The following IPP variants were observed in gnomAD, a reference collection of about 807,000 sequenced individuals.
The protein encoded by IPP is intracisternal A particle-promoted polypeptide, also known as actin-binding protein IPP.
In IPP, 41 loss-of-function variants were observed where a neutral mutation model predicts 64.1. The ratio of observed to expected loss-of-function variants is 0.64; its 90% CI spans 0.50 to 0.83. IPP has a LOEUF of 0.83. Ranked by LOEUF, IPP falls within the 40% of genes least tolerant of loss-of-function variation. The probability of loss-of-function intolerance (pLI) is 0.00; values close to 1 mark genes in which losing one functional copy is unlikely to be tolerated. For missense variants in IPP, 649 were observed against 703.0 expected (o/e 0.92, Z 0.87); for synonymous variants, 214 against 235.2 (o/e 0.91, Z 0.83).
chr1:45,694,969 T>C, downstream of IPP: 1 of 153,666 alleles, frequency 6.5e-6, no homozygotes, highest in Non-Finnish European at 1.4e-5. Context: ...CACCGCAACC[T>C]CCACCTCCCG....
At chr1:45,727,595 A>C (rs1188996484) in intron 5 of IPP, 36 bp downstream of exon 5, 1 of 1,371,982 alleles carries the variant, frequency 7.3e-7, no homozygotes. Flanking sequence ...ATAGCCAACA[A>C]GACTAATTAA....
intron 8 of IPP, 27 bp downstream of exon 8, chr1:45,714,219 C>G: frequency 6.8e-7 from 1 of 1,461,136 alleles, no homozygotes; most frequent in African/African-American, 1.4e-5. Flanking sequence ...TATCAGGATA[C>G]TAAATATCTG....
chr1:45,720,176 A>G (rs1184886453), intron 5 of IPP, among the ~76,000 whole-genome samples: 1 of 151,328 alleles, frequency 6.6e-6, no homozygotes, highest in African/African-American at 2.4e-5. Context: ...CCTGGACTCA[A>G]GCGATCCTCC....
downstream of IPP, chr1:45,696,808 TTG>T (rs1272027140): frequency 2.6e-5 from 4 of 152,202 alleles, no homozygotes; most frequent in African/African-American, 7.2e-5. Context: ...AAAACCAATC[TTG>T]TCATTACCTA....
chr1:45,737,241 C>T (rs959228404), intron 3 of IPP, among the ~76,000 whole-genome samples: 1 of 151,866 alleles, frequency 6.6e-6, no homozygotes, highest in Non-Finnish European at 1.5e-5. Flanking sequence ...GATAATTTCT[C>T]TCCCTTGTTT....
intron 7 of IPP, among the ~76,000 whole-genome samples, chr1:45,716,232 G>T (rs372996430): frequency 6.6e-6 from 1 of 152,094 alleles, no homozygotes; most frequent in Non-Finnish European, 1.5e-5. Context: ...GAAGCCTATA[G>T]ACCATGAAAA....
chr1:45,705,617 C>G (rs1024778895), intron 8 of IPP, among the ~76,000 whole-genome samples: 9 of 152,098 alleles, frequency 5.9e-5, no homozygotes, highest in African/African-American at 2.2e-4. Context: ...GACCAGCTGG[C>G]CAACATGGCA....
chr1:45,702,686 C>T (rs1435250506), intron 8 of IPP, among the ~76,000 whole-genome samples: 1 of 152,132 alleles, frequency 6.6e-6, no homozygotes, highest in African/African-American at 2.4e-5. Context: ...AACTCCTGAT[C>T]TCAGGTGATC....
chr1:45,694,651 G>A (rs1645371470), downstream of IPP: 1 of 584,580 alleles, frequency 1.7e-6, no homozygotes, highest in Non-Finnish European at 3.1e-6. Context: ...GTAGGGAGCA[G>A]TGTCATGAGG....
At position 45,712,623 on chromosome 1, in the gene IPP, C is replaced by T. The variant is rs945531808; in HGVS notation, c.1530+1623G>A. Among the ~76,000 whole-genome samples the T allele has an allele frequency of 5.3e-5, 8 of 151,238 alleles. No individual in the cohort carries two copies. The South Asian group carries it at 1.3e-3, about 24-fold the overall frequency. ...CTGTAATCCCAGCACTTTGGGAGGCCGAGGCAGGAAGATCACGAGGTCAGG... is the reference window on the plus strand; with the variant it reads ...CTGTAATCCCAGCACTTTGGGAGGCTGAGGCAGGAAGATCACGAGGTCAGG... On this transcript the variant is annotated intron_variant, in intron 8 of 8. Coordinates refer to ENST00000396478, the MANE Select transcript of IPP (RefSeq NM_005897.3).
At chr1:45,708,412 C>A (rs1192945334) in intron 8 of IPP, among the ~76,000 whole-genome samples, 1 of 148,790 alleles carries the variant, frequency 6.7e-6, no homozygotes, top group African/African-American at 2.5e-5. Flanking sequence ...GGCGCGGTGG[C>A]TCACATCTGT....
At position 45,699,022 on chromosome 1, in the gene IPP, C is replaced by T. The variant is rs1398367289; in HGVS notation, c.*944G>A. On this transcript the variant is annotated 3_prime_UTR_variant, in exon 9 of 9. Coordinates refer to ENST00000396478, the MANE Select transcript of IPP (RefSeq NM_005897.3). ...GATTACAGGTGTGAGCCACCATGCC[C>T]AGCCTAAAAAAGGGAGAAATTTCTA... The T allele has an allele frequency of 3.0e-6, 3 of 985,186 alleles. No homozygotes were observed. The highest frequency in any genetic ancestry group is 9.4e-5 in the South Asian group (2 of 21,272). 61.0% of individuals were successfully genotyped at this position (985,186 alleles called of 1,614,324 possible).
chr1:45,730,357 TA>T (rs35622578), intron 3 of IPP, among the ~76,000 whole-genome samples: 1,535 of 105,942 alleles, frequency 0.014, 13 homozygotes, highest in African/African-American at 0.036. Flanking sequence ...GTCTCAAAAA[TA>T]AAAAAAAAAA....
intron 8 of IPP, among the ~76,000 whole-genome samples, chr1:45,705,201 T>TAGA (rs978707803): frequency 6.6e-6 from 1 of 152,252 alleles, no homozygotes; most frequent in African/African-American, 2.4e-5. Context: ...CTGCTACAGC[T>TAGA]AGAAGCAGCA....
chr1:45,724,705 G>C (rs1645785770), intron 5 of IPP, among the ~76,000 whole-genome samples: 2 of 151,600 alleles, frequency 1.3e-5, no homozygotes, highest in South Asian at 2.1e-4. Context: ...TCTCTGCCCG[G>C]CCGCCCCGTC....
chr1:45,717,475 T>C (rs1021937653), intron 6 of IPP, among the ~76,000 whole-genome samples: 3 of 151,916 alleles, frequency 2.0e-5, no homozygotes, highest in African/African-American at 7.3e-5. Flanking sequence ...AAAGGCCCCT[T>C]ATCCCCACAA....
At chr1:45,696,531 A>G (rs1401336010), downstream of IPP, among the ~76,000 whole-genome samples, 3 of 152,260 alleles carry the variant, frequency 2.0e-5, no homozygotes, top group Admixed American at 1.3e-4. Flanking sequence ...CTGTAATCCC[A>G]GCACTTTGGG....
At chr1:45,698,649 C>G (rs1305581949), downstream of IPP, 1 of 971,192 alleles carries the variant, frequency 1.0e-6, no homozygotes, top group Non-Finnish European at 1.2e-6. Context: ...AATAAAATTC[C>G]CTCTTCCTAA....
chr1:45,699,037 A>T lies in IPP; in HGVS notation c.*929T>A. The T allele has an allele frequency of 2.0e-6, 2 of 985,166 alleles. No homozygotes were observed. The highest frequency in any genetic ancestry group is 2.4e-6 in the Non-Finnish European group (2 of 829,802). The allele number at this position is 985,166 out of a possible 1,614,324, so 61.0% of individuals were successfully genotyped here. On this transcript the variant is annotated 3_prime_UTR_variant, in exon 9 of 9. Transcript: ENST00000396478. ...CCACCATGCCCAGCCTAAAAAAGGG[A>T]GAAATTTCTAGGTGCATACTGCCTG...
Sources: gnomAD v4.1 joint callset for allele counts (sites outside exome capture counted in the v4.1 genomes callset) on GRCh38, gnomAD v4.1.1 for gene constraint, MANE v1.5 for transcripts, NCBI Gene and HGNC (gene_info 2026-07-23, HGNC 2026-07-21) for gene names.